Variants in MYH2 observed in about 807,000 individuals in gnomAD.
The protein encoded by MYH2 is myosin heavy chain 2.
In MYH2, 139 loss-of-function variants were observed where a neutral mutation model predicts 228.1. The ratio of observed to expected loss-of-function variants is 0.61; its 90% confidence interval spans 0.53 to 0.70. The LOEUF (loss-of-function observed/expected upper bound fraction) is 0.70, where lower values mean the gene tolerates loss of function less well. Among genes scored for constraint, MYH2 ranks in the 30% least tolerant of loss-of-function variants. MYH2 has a pLI of 0.00. For missense variants in MYH2, 1,809 were observed against 2,357.5 expected, an observed-to-expected ratio of 0.77 and a Z score of 4.82; for synonymous variants, 796 against 871.1, an observed-to-expected ratio of 0.91 and a Z score of 1.52.
chr17:10,540,776 G>A, intron 10 of MYH2, 79 bp from the exon 11 acceptor site: 1 of 1,266,980 alleles, frequency 7.9e-7, no homozygotes, highest in Non-Finnish European at 1.1e-6. Context: ...AAATTGTGAG[G>A]CACTATATTG....
Position 10,524,593 on chromosome 17 carries a change from C to T in MYH2, c.5048G>A (p.Arg1683Lys). Residue 1683 changes from arginine to lysine, a missense_variant, in exon 35 of 40, where the codon AGA (arginine) becomes AAA (lysine). By Grantham distance (26) the Arg-to-Lys change is conservative (BLOSUM62 2). Coordinates refer to ENST00000245503, the MANE Select transcript of MYH2 (RefSeq NM_017534.6). The surrounding 1 kb of genome is among the most constrained non-coding windows in gnomAD (Gnocchi z 4.7). ...GATCTCAGCCTGCAGCAGGTTGGCT[C>T]TGCGCTCCACCATGGCCAGCTGTTC... The part of the protein sequence containing the change: ...LKEQLAMVER[R>K]ANLLQAEIEE... The T allele has an allele frequency of 6.2e-7, 1 of 1,614,212 alleles. No individual in the cohort carries two copies. The highest frequency in any genetic ancestry group is 2.2e-5 in the East Asian group (1 of 44,874).
intron 16 of MYH2, 127 bp from the exon 17 acceptor site, chr17:10,536,733 G>T: frequency 1.2e-6 from 1 of 827,916 alleles, no homozygotes; most frequent in Non-Finnish European, 2.0e-6. Context: ...GATTGAGCCT[G>T]AATGAATCTT....
chr17:10,523,544 C>A lies in MYH2; in HGVS notation c.5424G>T (p.Gln1808His). The change falls in exon 37 of 40, where the codon CAG becomes CAT. Residue 1808 changes from glutamine (Q) to histidine (H), a missense_variant. Physicochemically the swap from Gln to His is conservative, Grantham distance 24. Transcript: ENST00000245503. ...DLQLRLDEAEQLALKGGKKQI... is the reference protein window; with the variant it reads ...DLQLRLDEAEHLALKGGKKQI... ...GCTTCTTCCCACCCTTCAGGGCCAG[C>A]TGCTCAGCCTCATCCAGACGGAGCT... 1.2e-6 allele frequency: 2 copies of A among 1,614,244 alleles called. No individual in the cohort carries two copies. The highest frequency in any genetic ancestry group is 1.7e-6 in the Non-Finnish European group (2 of 1,180,046).
rs1567729116 is a variant in MYH2, at chr17:10,527,802, G to A, written c.3817C>T (p.Gln1273Ter). The change falls in exon 28 of 40, where the codon CAG becomes TAG. Residue 1273 changes from glutamine (Q) to a stop codon, truncating the protein, a stop_gained. Coordinates refer to ENST00000245503, the MANE Select transcript of MYH2 (RefSeq NM_017534.6). LOFTEE classifies it high-confidence loss of function. ...GCAGTCAGGTCATTGATCAGCCGCT[G>A]CTGCTCCTCTTCCTTTGATTTCAGT... is the stretch of plus-strand genomic sequence containing the variant. ...SELKSKEEEQ[Q>*]RLINDLTAQR... 1 of 1,614,102 alleles carries A rather than the reference G, an allele frequency of 6.2e-7. No individual in the cohort carries two copies. The highest frequency in any genetic ancestry group is 8.5e-7 in the Non-Finnish European group (1 of 1,180,040).
chr17:10,526,420 C>T (rs2073354497), intron 30 of MYH2, among the ~76,000 whole-genome samples, 179 bp downstream of exon 30: 1 of 152,184 alleles, frequency 6.6e-6, no homozygotes, highest in African/African-American at 2.4e-5. Flanking sequence ...ATTTTAGGAT[C>T]GTAAGGCAGG....
At position 10,533,336 on chromosome 17, in the gene MYH2, C is replaced by A. The variant is rs771139007; in HGVS notation, c.2390G>T (p.Arg797Met). 2.5e-6 allele frequency: 4 copies of A among 1,614,230 alleles called. No individual in the cohort carries two copies. Among genetic ancestry groups the A allele is most frequent in the Non-Finnish European group, 2.5e-6 (3 of 1,180,038 alleles). ...CACTCTTGCCAAGAACCCTCTGCAC[C>A]TGGCCTGGGTTCGGGTAATCAGCTG... The part of the protein sequence containing the change: ...LAQLITRTQA[R>M]CRGFLARVEY... Residue 797 changes from arginine (R) to methionine (M), a missense_variant, in exon 21 of 40, where the codon AGG becomes ATG. Arg to Met is a moderately conservative substitution (Grantham distance 91, BLOSUM62 -1). This residue lies in a region of MYH2 where 276 missense variants were observed against 344.2 expected (regional missense o/e 0.80). Transcript: ENST00000245503.
intron 4 of MYH2, among the ~76,000 whole-genome samples, chr17:10,545,988 T>G (rs983207689): frequency 3.9e-5 from 6 of 152,118 alleles, no homozygotes; most frequent in African/African-American, 1.4e-4. Flanking sequence ...AAGTACATGT[T>G]ATTAAACACA....
intron 26 of MYH2, 41 bp downstream of exon 26, chr17:10,529,121 T>C (rs1293489627): frequency 6.2e-7 from 1 of 1,614,184 alleles, no homozygotes; most frequent in Non-Finnish European, 8.5e-7. Flanking sequence ...CTTTGTGTCA[T>C]AACTGCCTCC....
At chr17:10,521,897 G>T (rs1236835135) in intron 39 of MYH2, among the ~76,000 whole-genome samples, 1 of 151,914 alleles carries the variant, frequency 6.6e-6, no homozygotes, top group Non-Finnish European at 1.5e-5. Flanking sequence ...CTCCTGCATT[G>T]GATGTAATGA....
In MYH2 at chr17:10,545,301, C is replaced by T; in HGVS notation, c.505+45G>A. On this transcript the variant is annotated intron_variant, in intron 5 of 39. Coordinates refer to ENST00000245503, the MANE Select transcript of MYH2 (RefSeq NM_017534.6). ...CCTCGAGTCTCTTTCTCCTATGGTT[C>T]TGCTCTAAAGGTTTACGCACTTGCA... The T allele has an allele frequency of 1.2e-6, 2 of 1,612,012 alleles. 1 individual carries two copies. The highest frequency in any genetic ancestry group is 2.2e-5 in the South Asian group (2 of 91,002).
At chr17:10,536,935 T>A (rs1259195382) in intron 16 of MYH2, among the ~76,000 whole-genome samples, 3 of 152,190 alleles carry the variant, frequency 2.0e-5, no homozygotes, top group African/African-American at 7.2e-5. Flanking sequence ...CTAAGATTTA[T>A]ACCCTCAGAT....
At chr17:10,527,414 A>G (rs1011283745) in intron 28 of MYH2, among the ~76,000 whole-genome samples, 1 of 152,196 alleles carries the variant, frequency 6.6e-6, no homozygotes, top group Non-Finnish European at 1.5e-5. Flanking sequence ...TCATTGCCCC[A>G]TTCTGGAAGT....
intron 11 of MYH2, 49 bp downstream of exon 11, chr17:10,540,545 A>G: frequency 6.9e-7 from 1 of 1,442,270 alleles, no homozygotes. Context: ...CTGGATCACC[A>G]TTACTCTGAC....
chr17:10,540,529 A>T (rs1310352332), intron 11 of MYH2, 65 bp downstream of exon 11: 2 of 1,352,816 alleles, frequency 1.5e-6, no homozygotes, highest in Non-Finnish European at 2.1e-6. Flanking sequence ...GACACTGAAT[A>T]TTTATCTGGA....
At chr17:10,530,874 T>G (rs1184415214) in intron 22 of MYH2, among the ~76,000 whole-genome samples, 1 of 152,152 alleles carries the variant, frequency 6.6e-6, no homozygotes, top group African/African-American at 2.4e-5. Context: ...ATTATACTGC[T>G]CAACGTTGAC....
At chr17:10,522,335 A>G (rs941354285) in intron 39 of MYH2, among the ~76,000 whole-genome samples, 18 of 152,202 alleles carry the variant, frequency 1.2e-4, no homozygotes, top group African/African-American at 3.6e-4. Context: ...TATATTAAAA[A>G]ATAATCCTCT....
intron 27 of MYH2, 56 bp downstream of exon 27, chr17:10,528,634 T>G: frequency 6.2e-7 from 1 of 1,613,184 alleles, no homozygotes; most frequent in African/African-American, 1.3e-5. Context: ...CTGTGCAAAC[T>G]ATGATGTGTC....
Position 10,525,574 on chromosome 17 carries a change from C to T in MYH2, c.4414G>A (p.Glu1472Lys), listed in dbSNP as rs759516654. 3.7e-6 allele frequency: 6 copies of T among 1,614,214 alleles called. No homozygotes were observed. The highest frequency in any genetic ancestry group is 4.2e-6 in the Non-Finnish European group (5 of 1,180,044). ...WKQKCEETHA[E>K]LEASQKEARS... ...GCCTCCTTCTGGGAGGCCTCAAGCT[C>T]AGCATGCGTTTCCTCACATTTCTGT... The change falls in exon 32 of 40, where the codon GAG becomes AAG. Residue 1472 changes from glutamate to lysine, a missense_variant. By Grantham distance (56) the Glu-to-Lys change is moderately conservative. Transcript: ENST00000245503. This position sits in a 1 kb window ranked among gnomAD's most constrained non-coding sequence, Gnocchi z 4.2.
rs775796224 is a variant in MYH2, at chr17:10,537,489, T to C, written c.1641A>G (p.Thr547=). The stretch of plus-strand genomic sequence containing the variant: ...ACAGCTTGTTCTTGAAGGAGGTGTC[T>C]GTTGCCTTAGGGAACATGCACTCCT... ...LEEECMFPKA[T]DTSFKNKLYD... Residue 547 remains threonine, a synonymous_variant, in exon 16 of 40, where the codon ACA becomes ACG. Transcript: ENST00000245503. This position sits in a 1 kb window ranked among gnomAD's most constrained non-coding sequence, Gnocchi z 4.0. 8.7e-6 allele frequency: 14 copies of C among 1,614,136 alleles called. No individual in the cohort carries two copies. The highest frequency in any genetic ancestry group is 6.7e-5 in the Admixed American group (4 of 60,016).
Sources: gnomAD v4.1 joint callset for allele counts (sites outside exome capture counted in the v4.1 genomes callset) on GRCh38, gnomAD v4.1.1 for gene constraint, gnomAD v4.1.1 regional missense constraint, Gnocchi (gnomAD v3.1) non-coding constraint, MANE v1.5 for transcripts, NCBI Gene and HGNC (gene_info 2026-07-23, HGNC 2026-07-21) for gene names.